Variants in MTA2 observed in about 807,000 individuals in gnomAD.
MTA2 encodes the protein metastasis-associated protein MTA2.
Under a neutral mutation model 87.1 loss-of-function variants are expected in MTA2, and 22 were observed. The observed-to-expected ratio is 0.25, with a 90% CI of 0.18 to 0.36. MTA2 has a LOEUF of 0.36. Ranked by LOEUF, MTA2 falls within the 10% of genes least tolerant of loss-of-function variation. The pLI, the probability that MTA2 is intolerant of heterozygous loss-of-function variation, is 1.00. For missense variants in MTA2, 542 were observed against 853.2 expected, an observed-to-expected ratio of 0.64 and a Z score of 4.54; for synonymous variants, 314 against 310.1, an observed-to-expected ratio of 1.01 and a Z score of -0.13.
In MTA2 at chr11:62,598,035, C is replaced by T. The variant is rs370573471; in HGVS notation, c.479G>A (p.Arg160His). 2 of 1,613,824 alleles carry T rather than the reference C, an allele frequency of 1.2e-6. No homozygotes were observed. Among genetic ancestry groups the T allele is most frequent in the South Asian group, 1.1e-5 (1 of 91,066 alleles). The stretch of plus-strand genomic sequence containing the variant: ...GTCCTGTTGCTTACCCTCTACTAGG[C>T]GATCTGGGATCTCAGCTTGGTATTT... ...GCKYQAEIPD[R>H]LVEGESDNRN... The change falls in exon 6 of 18, where the codon CGC becomes CAC. Residue 160 changes from arginine (R) to histidine (H), a missense_variant. Physicochemically the swap from Arg to His is conservative, Grantham distance 29 (BLOSUM62 0). Around this residue, in one of 6 missense-constraint regions of MTA2, gnomAD observed 150 missense variants for 243.9 expected, o/e 0.62. Coordinates refer to ENST00000278823, the MANE Select transcript of MTA2 (RefSeq NM_004739.4).
chr11:62,601,504 G>GGGCAGGGCTCGGCTCGAGGC lies in MTA2; in HGVS notation c.-74_-55dup. 1 of 1,582,494 alleles carries GGGCAGGGCTCGGCTCGAGGC rather than the reference G, an allele frequency of 6.3e-7. No homozygotes were observed. Among genetic ancestry groups the GGGCAGGGCTCGGCTCGAGGC allele is most frequent in the Non-Finnish European group, 8.6e-7 (1 of 1,166,976 alleles). On this transcript the variant is annotated 5_prime_UTR_variant, in exon 1 of 18. Coordinates refer to ENST00000278823, the MANE Select transcript of MTA2 (RefSeq NM_004739.4). ...ACAAAGGGGTCCGGGAGGCTCGCGG[G>GGGCAGGGCTCGGCTCGAGGC]GGCAGGGCTCGGCTCGAGGCAAAGC...
chr11:62,599,788 T>C (rs969797855), intron 3 of MTA2, among the ~76,000 whole-genome samples: 16 of 152,118 alleles, frequency 1.1e-4, no homozygotes, highest in Non-Finnish European at 1.8e-4. Context: ...TAAGCCTGCT[T>C]CTCTGTTACG....
chr11:62,600,117 A>C, intron 3 of MTA2, 49 bp downstream of exon 3: 1 of 1,532,904 alleles, frequency 6.5e-7, no homozygotes, highest in Non-Finnish European at 9.0e-7. Flanking sequence ...GGACATGCCC[A>C]GGCCTCAGAT....
rs1360812071 is a variant in MTA2 at position 62,598,020 on chromosome 11, T to C, written c.490+4A>G. On this transcript the variant is annotated splice_donor_region_variant and intron_variant, in intron 6 of 17. Transcript: ENST00000278823. ...TAGCCGTACAGTCTTGTCCTGTTGC[T>C]TACCCTCTACTAGGCGATCTGGGAT... 1 of 1,611,588 alleles carries C rather than the reference T, an allele frequency of 6.2e-7. No homozygotes were observed. Among genetic ancestry groups the C allele is most frequent in the Non-Finnish European group, 8.5e-7 (1 of 1,177,726 alleles).
In MTA2 at chr11:62,600,215, C is replaced by T; in HGVS notation, c.141G>A (p.Arg47=). 6.2e-7 allele frequency: 1 copy of T among 1,614,126 alleles called. No individual in the cohort carries two copies. The change falls in exon 3 of 18, where the codon CGG becomes CGA. Residue 47 remains arginine, a synonymous_variant. Transcript: ENST00000278823. ...TGAGGCTACTAGAAATGTCCCTGCG[C>T]CGGAAAAGACAGACAACCTTTGCCT... ...NVEAKVVCLF[R]RRDISSSLNS... is the part of the protein sequence containing the mutation.
rs1285986940 is a variant in MTA2, at chr11:62,595,497, A to G, written c.1255-5T>C. The G allele has an allele frequency of 6.2e-7, 1 of 1,613,454 alleles. No homozygotes were observed. The highest frequency in any genetic ancestry group is 2.2e-5 in the East Asian group (1 of 44,876). On this transcript the variant is annotated splice_region_variant and splice_polypyrimidine_tract_variant and intron_variant, in intron 13 of 17. Coordinates refer to ENST00000278823, the MANE Select transcript of MTA2 (RefSeq NM_004739.4). This position sits in a 1 kb window ranked among gnomAD's most constrained non-coding sequence, Gnocchi z 4.9. Reference sequence around the variant, plus strand: ...ATGACCCCTTGAGTGTGGCTCCTAGAAGAAGAGCATAGGAAAGAGAGAGAG... The same window carrying G: ...ATGACCCCTTGAGTGTGGCTCCTAGGAGAAGAGCATAGGAAAGAGAGAGAG...
At position 62,594,005 on chromosome 11, in the gene MTA2, C is replaced by T. The variant is rs772797368; in HGVS notation, c.1877G>A (p.Arg626Gln). ...CAAGTTGGGTCGGCGAGCAGCTCGC[C>T]GCATTTCCAGATGGGTCAGAGCCTT... ...LRKALTHLEMRRAARRPNLPL... is the reference protein window; with the variant it reads ...LRKALTHLEMQRAARRPNLPL... Residue 626 changes from arginine to glutamine, a missense_variant, in exon 18 of 18, where the codon CGG becomes CAG. Around this residue, in one of 6 missense-constraint regions of MTA2, gnomAD observed 269 missense variants for 346.4 expected, o/e 0.78. Coordinates refer to ENST00000278823, the MANE Select transcript of MTA2 (RefSeq NM_004739.4). 9.9e-6 allele frequency: 16 copies of T among 1,612,148 alleles called. No homozygotes were observed. The highest frequency in any genetic ancestry group is 5.5e-5 in the South Asian group (5 of 90,840).
chr11:62,595,146 C>G lies in MTA2; in HGVS notation c.1484-76G>C. On this transcript the variant is annotated intron_variant, in intron 14 of 17. Transcript: ENST00000278823. This position sits in a 1 kb window ranked among gnomAD's most constrained non-coding sequence, Gnocchi z 4.9. ...TCTAAGGCCAGAAGCCAACTCTAAT[C>G]TTAAAAAAATTATCTGTGGCCTACT... is the stretch of plus-strand genomic sequence containing the variant. The G allele has an allele frequency of 6.4e-7, 1 of 1,556,328 alleles. No individual in the cohort carries two copies. The highest frequency in any genetic ancestry group is 1.1e-5 in the South Asian group (1 of 87,966).
In MTA2 at chr11:62,595,940, G is replaced by A; in HGVS notation, c.1115-49C>T. The A allele has an allele frequency of 1.2e-6, 2 of 1,613,992 alleles. No individual in the cohort carries two copies. Among genetic ancestry groups the A allele is most frequent in the South Asian group, 1.1e-5 (1 of 91,072 alleles). ...GACAGGGAAGAAGCATACTACCTAAGCCCCTCAGATTCTTGAGCCACAGCA... is the reference window on the plus strand; with the variant it reads ...GACAGGGAAGAAGCATACTACCTAAACCCCTCAGATTCTTGAGCCACAGCA... On this transcript the variant is annotated intron_variant, in intron 12 of 17. Coordinates refer to ENST00000278823, the MANE Select transcript of MTA2 (RefSeq NM_004739.4). The surrounding 1 kb of genome is among the most constrained non-coding windows in gnomAD (Gnocchi z 4.9).
intron 3 of MTA2, among the ~76,000 whole-genome samples, chr11:62,598,941 G>C (rs1410457742): frequency 3.9e-5 from 6 of 152,188 alleles, no homozygotes; most frequent in Admixed American, 3.9e-4. Flanking sequence ...CAACGGGCCA[G>C]CAAGAACATC....
rs1320462452 is a variant in MTA2 at position 62,595,045 on chromosome 11, G to C, written c.1509C>G (p.Ala503=). The C allele has an allele frequency of 1.9e-6, 3 of 1,613,990 alleles. No homozygotes were observed. The highest frequency in any genetic ancestry group is 1.3e-5 in the African/African-American group (1 of 74,882). ...GAGGGTGAATCTTCAATGGAGTCTT[G>C]GCGGCCTTAGGAAGTCGAATGGAGC... is the stretch of plus-strand genomic sequence containing the variant. ...AECSIRLPKA[A]KTPLKIHPLV... is the part of the protein sequence containing the mutation. The change falls in exon 15 of 18, where the codon GCC becomes GCG. Residue 503 remains alanine (A), a synonymous_variant. Transcript: ENST00000278823. The surrounding 1 kb of genome is among the most constrained non-coding windows in gnomAD (Gnocchi z 4.9).
At chr11:62,596,614 T>C (rs1942102156) in intron 9 of MTA2, 23 bp downstream of exon 9, 2 of 1,611,490 alleles carry the variant, frequency 1.2e-6, no homozygotes, top group Non-Finnish European at 1.7e-6. Context: ...CTCCCACTTC[T>C]CCTCCTAGTG....
chr11:62,600,702 G>A lies in MTA2; in HGVS notation c.29-13C>T. ...AAATAGACGTAATCTGTAAGGGAAG[G>A]GAGGGGGGAGAACCACGAAGATCAG... On this transcript the variant is annotated splice_polypyrimidine_tract_variant and intron_variant, in intron 1 of 17. Coordinates refer to ENST00000278823, the MANE Select transcript of MTA2 (RefSeq NM_004739.4). The A allele has an allele frequency of 1.2e-6, 2 of 1,612,202 alleles. No individual in the cohort carries two copies. The highest frequency in any genetic ancestry group is 2.2e-5 in the South Asian group (2 of 91,018).
In MTA2 at chr11:62,596,796, G is replaced by A. The variant is rs138821945; in HGVS notation, c.723C>T (p.Asn241=). 4.8e-5 allele frequency: 77 copies of A among 1,608,822 alleles called. No homozygotes were observed. The highest frequency in any genetic ancestry group is 3.2e-4 in the African/African-American group (24 of 74,592). The stretch of plus-strand genomic sequence containing the variant: ...ACATGGCCTTAGCCAGGTCGTAGCC[G>A]TTCCTTTGCAAGGTATCCATGGCGT... The part of the protein sequence containing the change: ...LFHAMDTLQR[N]GYDLAKAMST... Residue 241 remains asparagine (N), a synonymous_variant, in exon 9 of 18, where the codon AAC becomes AAT. Transcript: ENST00000278823.
rs752504347 is a variant in MTA2 at position 62,600,214 on chromosome 11, G to A, written c.142C>T (p.Arg48Cys). Residue 48 changes from arginine (R) to cysteine (C), a missense_variant, in exon 3 of 18, where the codon CGC becomes TGC. Coordinates refer to ENST00000278823, the MANE Select transcript of MTA2 (RefSeq NM_004739.4). ...VEAKVVCLFR[R>C]RDISSSLNSL... ...TTGAGGCTACTAGAAATGTCCCTGC[G>A]CCGGAAAAGACAGACAACCTTTGCC... The A allele has an allele frequency of 3.1e-6, 5 of 1,614,066 alleles. No individual in the cohort carries two copies. The highest frequency in any genetic ancestry group is 1.3e-5 in the African/African-American group (1 of 74,908).
chr11:62,601,812 A>T lies in MTA2; in HGVS notation c.-362T>A. 2.0e-6 allele frequency: 1 copy of T among 499,818 alleles called. No individual in the cohort carries two copies. The highest frequency in any genetic ancestry group is 3.5e-6 in the Non-Finnish European group (1 of 287,196). The allele number at this position is 499,818 out of a possible 1,614,324, so 31.0% of individuals were successfully genotyped here. On this transcript the variant is annotated 5_prime_UTR_variant, in exon 1 of 18. Transcript: ENST00000278823. ...AGGGAAGGCTTGCCGGGCCCGCCTC[A>T]GGGTTCGCCTCCTTCCGGAACACCT...
At chr11:62,601,368 T>G (rs1271879184) in intron 1 of MTA2, 55 bp downstream of exon 1, 3 of 1,597,414 alleles carry the variant, frequency 1.9e-6, no homozygotes, top group Non-Finnish European at 2.6e-6. Context: ...GCCCCTCAGG[T>G]CCCTACCCCA....
chr11:62,597,633 G>A lies in MTA2; in HGVS notation c.570C>T (p.Ile190=), dbSNP rs141754862. Residue 190 remains isoleucine, a synonymous_variant, in exon 7 of 18, where the codon ATC becomes ATT. Coordinates refer to ENST00000278823, the MANE Select transcript of MTA2 (RefSeq NM_004739.4). ...DPDNPLTDRQ[I]DQFLVVARAV... ...ACCGGGCCACCACAAGAAACTGGTC[G>A]ATCTGCCGGTCTGTGAGAGGGTTGT... 1.9e-4 allele frequency: 308 copies of A among 1,614,100 alleles called. 3 individuals carry two copies. The South Asian group carries it at 3.1e-3, about 16-fold the overall frequency.
At position 62,600,259 on chromosome 11, in the gene MTA2, T is replaced by C; in HGVS notation, c.97A>G (p.Thr33Ala). ...LVRRIEELNK[T>A]ANGNVEAKVV... The stretch of plus-strand genomic sequence containing the variant: ...TTTGCCTCCACATTTCCATTTGCAG[T>C]CTAAGGGGAGGAAAAAAACAAAAAC... The change falls in exon 3 of 18, where the codon ACT (threonine) becomes GCT (alanine). Residue 33 changes from threonine to alanine, a missense_variant and splice_region_variant. This residue lies in a region of MTA2 where 150 missense variants were observed against 243.9 expected (regional missense o/e 0.62). Coordinates refer to ENST00000278823, the MANE Select transcript of MTA2 (RefSeq NM_004739.4). 6.2e-7 allele frequency: 1 copy of C among 1,613,690 alleles called. No individual in the cohort carries two copies. The highest frequency in any genetic ancestry group is 8.5e-7 in the Non-Finnish European group (1 of 1,179,850).
Sources: gnomAD v4.1 joint callset for allele counts (sites outside exome capture counted in the v4.1 genomes callset) on GRCh38, gnomAD v4.1.1 for gene constraint, gnomAD v4.1.1 regional missense constraint, Gnocchi (gnomAD v3.1) non-coding constraint, MANE v1.5 for transcripts, NCBI Gene and HGNC (gene_info 2026-07-23, HGNC 2026-07-21) for gene names.